DYM: variants seen among roughly 807,000 people sequenced by gnomAD.
The protein encoded by DYM is dyggve-Melchior-Clausen syndrome protein.
In DYM, 78 loss-of-function variants were observed where a neutral mutation model predicts 93.1. That is an observed-to-expected ratio of 0.84 (90% CI 0.70 to 1.01). The LOEUF (loss-of-function observed/expected upper bound fraction) is 1.01, where lower values mean the gene tolerates loss of function less well. Among genes scored for constraint, DYM ranks in the 50% least tolerant of loss-of-function variants. The pLI, the probability that DYM is intolerant of heterozygous loss-of-function variation, is 0.00. For missense variants in DYM, 789 were observed against 845.0 expected (o/e 0.93, Z 0.82); for synonymous variants, 321 against 319.7 (o/e 1.00, Z -0.04).
intron 2 of DYM, among the ~76,000 whole-genome samples, chr18:49,392,681 T>TAATA (rs1555724520): frequency 1.5e-5 from 1 of 68,470 alleles, no homozygotes; most frequent in Non-Finnish European, 2.4e-5. Context: ...GGCTTTTATT[T>TAATA]AAAAAAAAAA....
chr18:49,399,837 G>A (rs1338047522), intron 2 of DYM, among the ~76,000 whole-genome samples: 3 of 151,570 alleles, frequency 2.0e-5, no homozygotes, highest in Non-Finnish European at 2.9e-5. Flanking sequence ...GGCTCCTTAG[G>A]AAACACTTCC....
rs116803596 is a variant in DYM at position 49,334,052 on chromosome 18, G to C, written c.495-199C>G. On this transcript the variant is annotated intron_variant, in intron 6 of 17. Coordinates refer to ENST00000675505, the MANE Select transcript of DYM (RefSeq NM_001353214.3). ...TTCCCTGTCATTAGCTGGTGTATTT[G>C]GGTTAGTTATCCCTTTATTTCCCTA... Among the ~76,000 whole-genome samples, 803 of 152,248 alleles carry C rather than the reference G, an allele frequency of 5.3e-3. 10 individuals are homozygous for C. The highest frequency in any genetic ancestry group is 0.018 in the African/African-American group (754 of 41,550).
At chr18:49,362,161 T>C (rs1036116484) in intron 6 of DYM, among the ~76,000 whole-genome samples, 1 of 151,826 alleles carries the variant, frequency 6.6e-6, no homozygotes, top group Non-Finnish European at 1.5e-5. Context: ...ACACTGCACC[T>C]GGCCAATACT....
At chr18:49,101,858 TGA>T (rs989484309) in intron 16 of DYM, among the ~76,000 whole-genome samples, 4 of 152,152 alleles carry the variant, frequency 2.6e-5, no homozygotes, top group African/African-American at 9.7e-5. Flanking sequence ...GTGTAATTTG[TGA>T]GATAAGACAG....
chr18:49,365,891 C>T (rs1282671367), intron 5 of DYM, among the ~76,000 whole-genome samples: 1 of 152,148 alleles, frequency 6.6e-6, no homozygotes, highest in Non-Finnish European at 1.5e-5. Flanking sequence ...CCACTCAAAT[C>T]ACAACCTCGG....
chr18:49,298,296 G>C (rs2060685187), intron 8 of DYM, among the ~76,000 whole-genome samples: 1 of 152,168 alleles, frequency 6.6e-6, no homozygotes, highest in African/African-American at 2.4e-5. Flanking sequence ...TTTGTCAGAA[G>C]TGGCTGGGTG....
chr18:49,186,150 G>A (rs1367771195), intron 14 of DYM, among the ~76,000 whole-genome samples: 1 of 151,952 alleles, frequency 6.6e-6, no homozygotes, highest in Non-Finnish European at 1.5e-5. Context: ...AAGTGACCAG[G>A]TTTGGATCAT....
intron 17 of DYM, among the ~76,000 whole-genome samples, chr18:49,061,093 G>A (rs36003222): frequency 0.028 from 4,209 of 152,278 alleles, 83 homozygotes; most frequent in South Asian, 0.065. Context: ...TAGAGGCAGC[G>A]CCTCCGAACC....
At chr18:49,219,987 T>C (rs2093279593) in intron 13 of DYM, among the ~76,000 whole-genome samples, 2 of 150,920 alleles carry the variant, frequency 1.3e-5, no homozygotes, top group African/African-American at 4.8e-5. Flanking sequence ...GATGACATGA[T>C]TGTATATCTA....
chr18:49,422,662 C>A (rs1291849244), intron 2 of DYM, among the ~76,000 whole-genome samples: 1 of 152,062 alleles, frequency 6.6e-6, no homozygotes, highest in Admixed American at 6.6e-5. Flanking sequence ...ATCTCACGTG[C>A]AGAGACACAA....
chr18:49,047,666 G>A (rs2071785253), intron 17 of DYM, among the ~76,000 whole-genome samples: 1 of 152,108 alleles, frequency 6.6e-6, no homozygotes, highest in African/African-American at 2.4e-5. Context: ...CGGTATCCTA[G>A]GGCCTGGAGA....
intron 16 of DYM, among the ~76,000 whole-genome samples, chr18:49,107,345 G>T (rs1194107063): frequency 2.0e-5 from 3 of 152,066 alleles, no homozygotes; most frequent in Non-Finnish European, 4.4e-5. Context: ...TTTGCCATGG[G>T]TTCAAACTTC....
At chr18:49,445,024 AC>A (rs1321380120) in intron 1 of DYM, among the ~76,000 whole-genome samples, 6 of 152,332 alleles carry the variant, frequency 3.9e-5, no homozygotes, top group East Asian at 3.9e-4. Context: ...CTCCAAAAAA[AC>A]ATTCATTCTT....
At chr18:49,292,568 T>G in intron 8 of DYM, among the ~76,000 whole-genome samples, 1 of 126,890 alleles carries the variant, frequency 7.9e-6, no homozygotes. Flanking sequence ...CTAAGAATCT[T>G]AGTGGAATTG....
chr18:49,289,727 G>GTGTATATATATATA (rs1555678602), intron 8 of DYM, among the ~76,000 whole-genome samples: 2 of 85,070 alleles, frequency 2.4e-5, no homozygotes, highest in African/African-American at 5.1e-5. Flanking sequence ...ATATATATGT[G>GTGTATATATATATA]TATATATATA....
At chr18:49,141,125 T>A (rs2084438846) in intron 15 of DYM, among the ~76,000 whole-genome samples, 1 of 152,212 alleles carries the variant, frequency 6.6e-6, no homozygotes, top group Non-Finnish European at 1.5e-5. Context: ...TTCCTTCCCA[T>A]TGTTCATTCA....
Position 49,103,554 on chromosome 18 carries a change from T to C in DYM, c.1912-6039A>G, listed in dbSNP as rs947561003. The stretch of plus-strand genomic sequence containing the variant: ...GGTTTTTATGGTTTTAGGTCTAACA[T>C]GTAAGTCTTTAATCCATCTTGAATT... On this transcript the variant is annotated intron_variant, in intron 16 of 17. Coordinates refer to ENST00000675505, the MANE Select transcript of DYM (RefSeq NM_001353214.3). Among the ~76,000 whole-genome samples the C allele has an allele frequency of 2.9e-4, 44 of 152,330 alleles. No homozygotes were observed. In the East Asian group the frequency reaches 4.8e-3, roughly 17 times the overall value.
At chr18:49,262,184 A>G (rs1373330690) in intron 11 of DYM, among the ~76,000 whole-genome samples, 1 of 152,120 alleles carries the variant, frequency 6.6e-6, no homozygotes, top group Non-Finnish European at 1.5e-5. Flanking sequence ...CTCCTGAGAG[A>G]AGGATGTGAT....
chr18:49,396,311 A>G (rs1218662404), intron 2 of DYM, among the ~76,000 whole-genome samples: 1 of 152,198 alleles, frequency 6.6e-6, no homozygotes, highest in Non-Finnish European at 1.5e-5. Context: ...AAATAGAACT[A>G]CCATATAATC....
Sources: gnomAD v4.1 joint callset for allele counts (sites outside exome capture counted in the v4.1 genomes callset) on GRCh38, gnomAD v4.1.1 for gene constraint, MANE v1.5 for transcripts, NCBI Gene and HGNC (gene_info 2026-07-23, HGNC 2026-07-21) for gene names.